Variants in GDA observed in about 807,000 individuals in gnomAD.
The protein encoded by GDA is guanine deaminase, also known as cytoplasmic PSD-95 interactor.
In GDA, 18 loss-of-function variants were observed where a neutral mutation model predicts 59.6. The observed-to-expected ratio is 0.30, with a 90% CI of 0.21 to 0.45. GDA has a LOEUF of 0.45. Among genes scored for constraint, GDA ranks in the 20% least tolerant of loss-of-function variants. GDA has a pLI of 1.00. For missense variants in GDA, 427 were observed against 552.3 expected, an observed-to-expected ratio of 0.77 and a Z score of 2.27; for synonymous variants, 201 against 201.1, an observed-to-expected ratio of 1.00 and a Z score of 0.00.
At position 72,227,078 on chromosome 9, in the gene GDA, A is replaced by T. The variant is rs550979671; in HGVS notation, c.823-865A>T. On this transcript the variant is annotated intron_variant, in intron 8 of 13. Coordinates refer to ENST00000358399, the MANE Select transcript of GDA (RefSeq NM_004293.5). ...GCTTGCAGAGAGTCGAGATTGCGCC[A>T]CTGCACTCCAGCCTGGGCGACAGAG... 5.3e-5 allele frequency among the ~76,000 whole-genome samples: 8 copies of T among 152,290 alleles called. No individual in the cohort carries two copies. In the East Asian group the frequency reaches 1.5e-3, roughly 29 times the overall value.
At chr9:72,119,414 G>A (rs1825582572) in intron 1 of GDA, among the ~76,000 whole-genome samples, 2 of 152,164 alleles carry the variant, frequency 1.3e-5, no homozygotes, top group Non-Finnish European at 1.5e-5. Context: ...CTGAGTGGGA[G>A]GATCACTTAG....
intron 1 of GDA, among the ~76,000 whole-genome samples, chr9:72,123,685 C>G (rs1157592785): frequency 1.3e-5 from 2 of 151,870 alleles, no homozygotes; most frequent in East Asian, 3.9e-4. Flanking sequence ...CAGGATTTCT[C>G]CATGTTGGTC....
intron 12 of GDA, among the ~76,000 whole-genome samples, chr9:72,246,145 TA>T (rs1312245851): frequency 2.0e-5 from 3 of 152,348 alleles, no homozygotes; most frequent in Non-Finnish European, 4.4e-5. Flanking sequence ...CATACACATT[TA>T]TTTAATATAA....
intron 3 of GDA, among the ~76,000 whole-genome samples, chr9:72,204,539 A>G (rs1236220975): frequency 6.6e-6 from 1 of 152,234 alleles, no homozygotes; most frequent in East Asian, 1.9e-4. Flanking sequence ...TCTGAAATTT[A>G]CACTGCTTTT....
intron 1 of GDA, among the ~76,000 whole-genome samples, chr9:72,124,214 C>T (rs1198717397): frequency 6.6e-6 from 1 of 152,140 alleles, no homozygotes; most frequent in Admixed American, 6.5e-5. Flanking sequence ...AGCCATGGCA[C>T]CTTCCTTGTA....
At chr9:72,247,532 C>T (rs1030896856) in intron 13 of GDA, 99 bp downstream of exon 13, 9 of 686,610 alleles carry the variant, frequency 1.3e-5, no homozygotes, top group African/African-American at 9.3e-5. Flanking sequence ...ATATATTAAA[C>T]TCTGTGGATG....
chr9:72,150,124 G>T (rs950518486), intron 1 of GDA, among the ~76,000 whole-genome samples: 1 of 152,096 alleles, frequency 6.6e-6, no homozygotes, highest in East Asian at 1.9e-4. Context: ...AAGAGGAGGG[G>T]GTCATTTGAT....
chr9:72,235,413 G>A (rs1265406993), intron 10 of GDA, among the ~76,000 whole-genome samples: 1 of 152,208 alleles, frequency 6.6e-6, no homozygotes, highest in Non-Finnish European at 1.5e-5. Flanking sequence ...AATTTTCCAA[G>A]TATAATACAT....
At chr9:72,244,826 A>G (rs1351070431) in intron 11 of GDA, among the ~76,000 whole-genome samples, 1 of 152,164 alleles carries the variant, frequency 6.6e-6, no homozygotes, top group East Asian at 1.9e-4. Context: ...CATGTTGCTT[A>G]GAGGGATAAA....
At chr9:72,189,129 G>T (rs1400740121) in intron 1 of GDA, among the ~76,000 whole-genome samples, 1 of 144,172 alleles carries the variant, frequency 6.9e-6, no homozygotes, top group African/African-American at 2.7e-5. Context: ...ATCCTGTCTG[G>T]TGTCTCACCC....
chr9:72,130,537 C>T (rs1348702846), intron 1 of GDA, among the ~76,000 whole-genome samples: 3 of 152,168 alleles, frequency 2.0e-5, no homozygotes, highest in Non-Finnish European at 1.5e-5. Flanking sequence ...TTCTTGTTCT[C>T]CTTAACACTT....
chr9:72,241,165 C>G lies in GDA; in HGVS notation c.1002C>G (p.Gly334=), dbSNP rs779101511. 2 of 1,597,228 alleles carry G rather than the reference C, an allele frequency of 1.3e-6. No homozygotes were observed. The highest frequency in any genetic ancestry group is 4.5e-5 in the East Asian group (2 of 44,596). The change falls in exon 11 of 14, where the codon GGC becomes GGG. Residue 334 remains glycine (G), a synonymous_variant. Coordinates refer to ENST00000358399, the MANE Select transcript of GDA (RefSeq NM_004293.5). ...TACCTACTGCAGACGTGGCTGGTGG[C>G]TATTCATATTCCATGCTTGATGCAA... The part of the protein sequence containing the change: ...KIGLGTDVAG[G]YSYSMLDAIR...
intron 9 of GDA, among the ~76,000 whole-genome samples, 173 bp from the exon 10 acceptor site, chr9:72,230,941 C>T (rs1333868431): frequency 1.3e-5 from 2 of 152,086 alleles, no homozygotes; most frequent in African/African-American, 4.8e-5. Context: ...ATTTTATGAT[C>T]CTGTTTACTC....
At chr9:72,247,646 G>T (rs1840289511) in intron 13 of GDA, among the ~76,000 whole-genome samples, 1 of 152,124 alleles carries the variant, frequency 6.6e-6, no homozygotes, top group Admixed American at 6.5e-5. Context: ...ACTCCCTCTA[G>T]TCATAAATTC....
chr9:72,158,027 C>T (rs1011586826), intron 1 of GDA, among the ~76,000 whole-genome samples: 1 of 152,170 alleles, frequency 6.6e-6, no homozygotes, highest in African/African-American at 2.4e-5. Context: ...TTCCATTTTA[C>T]TTCTATCAAA....
chr9:72,199,458 C>G (rs1466970497), intron 2 of GDA, among the ~76,000 whole-genome samples: 4 of 152,124 alleles, frequency 2.6e-5, no homozygotes, highest in Non-Finnish European at 5.9e-5. Context: ...AATCATCTTT[C>G]ACTCTCTCAT....
At chr9:72,191,923 C>T (rs1832605605) in intron 1 of GDA, among the ~76,000 whole-genome samples, 2 of 152,058 alleles carry the variant, frequency 1.3e-5, no homozygotes, top group Non-Finnish European at 2.9e-5. Flanking sequence ...AGGATTCTTT[C>T]TTTATCCTTG....
intron 1 of GDA, among the ~76,000 whole-genome samples, chr9:72,187,051 A>T (rs1312952962): frequency 6.6e-6 from 1 of 152,188 alleles, no homozygotes; most frequent in Non-Finnish European, 1.5e-5. Context: ...ATATACACTT[A>T]ATGCATATTT....
chr9:72,236,144 C>T (rs1403905142), intron 10 of GDA, among the ~76,000 whole-genome samples: 1 of 152,138 alleles, frequency 6.6e-6, no homozygotes, highest in Non-Finnish European at 1.5e-5. Context: ...GAAACATTCT[C>T]GCTTTTCATA....
Sources: allele counts gnomAD v4.1 joint callset (sites outside exome capture counted in the v4.1 genomes callset), GRCh38; gene constraint gnomAD v4.1.1; transcripts MANE v1.5; gene names NCBI Gene and HGNC (gene_info 2026-07-23, HGNC 2026-07-21).